The following ASIP variants were observed in gnomAD, a reference collection of about 807,000 sequenced individuals.
The protein encoded by ASIP is agouti-signaling protein.
In ASIP, 11 loss-of-function variants were observed where a neutral mutation model predicts 10.3. That is an observed-to-expected ratio of 1.07 (90% CI 0.68 to 1.78). ASIP has a LOEUF of 1.78. Among genes scored for constraint, ASIP ranks in the 40% most tolerant of loss-of-function variants. ASIP has a pLI of 0.00. For missense variants in ASIP, 180 were observed against 169.2 expected (o/e 1.06, Z -0.35); for synonymous variants, 70 against 70.8 (o/e 0.99, Z 0.06).
At chr20:34,267,576 G>A (rs991953837) in intron 3 of ASIP, among the ~76,000 whole-genome samples, 4 of 151,220 alleles carry the variant, frequency 2.6e-5, no homozygotes, top group Admixed American at 1.3e-4. Context: ...TTGTTGCCCA[G>A]GCTGGAGTGC....
Position 34,215,523 on chromosome 20 carries a change from A to C in ASIP, c.-11+20763A>C, listed in dbSNP as rs554756030. 13 of 1,525,792 alleles carry C rather than the reference A, an allele frequency of 8.5e-6. No individual in the cohort carries two copies. The South Asian group carries it at 1.5e-4, about 17-fold the overall frequency. The allele number at this position is 1,525,792 out of a possible 1,614,324, so 94.5% of individuals were successfully genotyped here. A position where few individuals can be genotyped will look rare whatever the true frequency, so the allele number is the denominator to read the frequency against. On this transcript the variant is annotated intron_variant, in intron 1 of 3. Transcript: ENST00000568305. Reference sequence around the variant, plus strand: ...CTACTGAGAGAATGTCAAAAAAAAAACTTGGGCCACTTAGTGAGATATTCT... The same window carrying C: ...CTACTGAGAGAATGTCAAAAAAAAACCTTGGGCCACTTAGTGAGATATTCT...
chr20:34,206,566 TTTTTTG>T lies in ASIP; in HGVS notation c.-11+11830_-11+11835del, dbSNP rs753525643. On this transcript the variant is annotated intron_variant, in intron 1 of 3. Transcript: ENST00000568305. ...ATATTCCACTGTATACATATACCAC[TTTTTTG>T]TTTTTGTTTTTGTTTTTGTTTTTTG... Among the ~76,000 whole-genome samples, 409 of 152,266 alleles carry T rather than the reference TTTTTTG, an allele frequency of 2.7e-3. 2 individuals are homozygous for T. Among genetic ancestry groups the T allele is most frequent in the Non-Finnish European group, 3.8e-3 (261 of 68,020 alleles).
At chr20:34,253,660 C>T (rs1413305057) in intron 1 of ASIP, among the ~76,000 whole-genome samples, 3 of 151,632 alleles carry the variant, frequency 2.0e-5, no homozygotes, top group Admixed American at 1.3e-4. Context: ...TTAGTAGAGA[C>T]GGGTTTCACC....
At chr20:34,196,021 T>C (rs6087561) in intron 1 of ASIP, among the ~76,000 whole-genome samples, 17,821 of 152,000 alleles carry the variant, frequency 0.12, 1,139 homozygotes, top group East Asian at 0.23. Flanking sequence ...TTGGTTCCAC[T>C]ATGAGTGTTT....
chr20:34,258,769 AATATATATAGT>A (rs1169321131), intron 1 of ASIP, among the ~76,000 whole-genome samples: 1 of 96,324 alleles, frequency 1.0e-5, no homozygotes. Context: ...TGATATATAT[AATATATATAGT>A]ATATATATAG....
chr20:34,255,998 C>A (rs2035562161), intron 1 of ASIP, among the ~76,000 whole-genome samples: 1 of 152,254 alleles, frequency 6.6e-6, no homozygotes, highest in African/African-American at 2.4e-5. Context: ...GACCATCTCC[C>A]TGTGATGCTG....
intron 1 of ASIP, chr20:34,214,755 A>C: frequency 7.7e-7 from 1 of 1,305,726 alleles, no homozygotes. Flanking sequence ...TTGCCTCCAC[A>C]TTAGCTTTTT....
At chr20:34,210,924 C>T (rs6088429) in intron 1 of ASIP, among the ~76,000 whole-genome samples, 16,152 of 151,812 alleles carry the variant, frequency 0.11, 918 homozygotes, top group South Asian at 0.19. Flanking sequence ...AGTATTAGTC[C>T]TTTTATATAT....
chr20:34,220,014 C>T (rs1044682345), intron 1 of ASIP, among the ~76,000 whole-genome samples: 1 of 152,036 alleles, frequency 6.6e-6, no homozygotes, highest in Non-Finnish European at 1.5e-5. Context: ...GGCATGAACC[C>T]GGGAAGCGGA....
chr20:34,216,333 A>C (rs2035008512), intron 1 of ASIP, among the ~76,000 whole-genome samples: 1 of 152,242 alleles, frequency 6.6e-6, no homozygotes. Context: ...TGGCGCCAGC[A>C]GTCTCATGGA....
exon 1 of ASIP, chr20:34,194,627 T>C (rs1438353393): frequency 6.6e-6 from 1 of 152,016 alleles, no homozygotes; most frequent in Admixed American, 6.5e-5. Context: ...ATCCCCAGAT[T>C]CCACTTGTAA....
chr20:34,224,671 C>T (rs1033581385), intron 1 of ASIP, among the ~76,000 whole-genome samples: 6 of 151,186 alleles, frequency 4.0e-5, no homozygotes, highest in Non-Finnish European at 8.9e-5. Context: ...AGGATTGTCT[C>T]ACCAGGACTT....
At chr20:34,267,679 G>A (rs2035811400) in intron 3 of ASIP, among the ~76,000 whole-genome samples, 1 of 151,898 alleles carries the variant, frequency 6.6e-6, no homozygotes, top group Admixed American at 6.6e-5. Flanking sequence ...GATTACAGAT[G>A]TGCCACCATG....
intron 1 of ASIP, among the ~76,000 whole-genome samples, chr20:34,210,026 A>G (rs2034963396): frequency 1.3e-5 from 2 of 152,198 alleles, no homozygotes; most frequent in Admixed American, 6.5e-5. Context: ...ACAACCTGCT[A>G]CAGAGAGGAG....
intron 1 of ASIP, among the ~76,000 whole-genome samples, chr20:34,259,191 C>CAG (rs35455305): frequency 0.28 from 41,881 of 150,452 alleles, 10,341 homozygotes; most frequent in African/African-American, 0.67. Context: ...GCCTGGGTGA[C>CAG]AGTGAGACTC....
Position 34,269,159 on chromosome 20 carries a change from A to C in ASIP, c.391A>C (p.Asn131His), listed in dbSNP as rs755584541. 7 of 1,535,122 alleles carry C rather than the reference A, an allele frequency of 4.6e-6. No individual in the cohort carries two copies. The South Asian group carries it at 8.4e-5, about 18-fold the overall frequency. The change falls in exon 4 of 4, where the codon AAC becomes CAC. Residue 131 changes from asparagine to histidine, a missense_variant. Asn to His is a moderately conservative substitution (Grantham distance 68). Coordinates refer to ENST00000374954, the MANE Select transcript of ASIP (RefSeq NM_001672.3). The stretch of plus-strand genomic sequence containing the variant: ...CTGCTCCTGCCGCGTGCTCAGCCTC[A>C]ACTGCTGAGCGCCCCCACTCCCGGC... ...SACSCRVLSLNC is the reference protein window; with the variant it reads ...SACSCRVLSLHC
intron 1 of ASIP, among the ~76,000 whole-genome samples, chr20:34,236,358 G>T (rs1263341815): frequency 6.6e-6 from 1 of 152,084 alleles, no homozygotes; most frequent in South Asian, 2.1e-4. Context: ...TGGCCAACAT[G>T]GTGAAACCCT....
At chr20:34,245,258 T>G (rs1303254445) in intron 1 of ASIP, among the ~76,000 whole-genome samples, 2 of 138,928 alleles carry the variant, frequency 1.4e-5, no homozygotes, top group Non-Finnish European at 3.1e-5. Context: ...CGCTTGAACC[T>G]GGGAGGCGGA....
At chr20:34,222,046 G>A (rs902932951) in intron 1 of ASIP, among the ~76,000 whole-genome samples, 7 of 152,040 alleles carry the variant, frequency 4.6e-5, no homozygotes, top group Non-Finnish European at 7.4e-5. Context: ...GGAGGTAGAG[G>A]CTGCAGTGAG....
Sources: gnomAD v4.1 joint callset for allele counts (sites outside exome capture counted in the v4.1 genomes callset) on GRCh38, gnomAD v4.1.1 for gene constraint, MANE v1.5 for transcripts, NCBI Gene and HGNC (gene_info 2026-07-23, HGNC 2026-07-21) for gene names.